Variants in KIAA1217 observed in about 807,000 individuals in gnomAD.
The protein encoded by KIAA1217 is KIAA1217, also known as sickle tail protein homolog.
In KIAA1217, 88 loss-of-function variants were observed where a neutral mutation model predicts 163.9. That is an observed-to-expected ratio of 0.54 (90% CI 0.45 to 0.64). The LOEUF (loss-of-function observed/expected upper bound fraction) is 0.64, where lower values mean the gene tolerates loss of function less well. Among genes scored for constraint, KIAA1217 ranks in the 30% least tolerant of loss-of-function variants. The pLI, the probability that KIAA1217 is intolerant of heterozygous loss-of-function variation, is 0.00. For synonymous variants in KIAA1217, 903 were observed against 923.1 expected (o/e 0.98, Z 0.39); for missense variants, 2,372 against 2,475.0 (o/e 0.96, Z 0.88).
At chr10:24,354,086 A>T (rs739573) in intron 2 of KIAA1217, among the ~76,000 whole-genome samples, 70,136 of 152,040 alleles carry the variant, frequency 0.46, 16,271 homozygotes, top group East Asian at 0.55. Flanking sequence ...TTTATTATAA[A>T]GAAGATTGAA....
chr10:23,904,973 C>T (rs1842092333), intron 1 of KIAA1217, among the ~76,000 whole-genome samples: 1 of 151,126 alleles, frequency 6.6e-6, no homozygotes, highest in African/African-American at 2.4e-5. Flanking sequence ...TTTTTTTCTA[C>T]CCACCATCAT....
intron 2 of KIAA1217, among the ~76,000 whole-genome samples, chr10:24,309,151 A>AGGGGGGGG (rs1253126512): frequency 1.4e-5 from 1 of 72,180 alleles, no homozygotes; most frequent in African/African-American, 6.4e-5. Context: ...GAAGGAAGGA[A>AGGGGGGGG]GGGAGGGAGG....
At chr10:24,091,555 TCATGAG>T (rs997087914) in intron 2 of KIAA1217, among the ~76,000 whole-genome samples, 2 of 151,832 alleles carry the variant, frequency 1.3e-5, no homozygotes, top group Admixed American at 1.3e-4. Flanking sequence ...AAGGGAACTT[TCATGAG>T]CATGCTGCTT....
chr10:23,696,990 A>G (rs1332254922), intron 1 of KIAA1217, among the ~76,000 whole-genome samples: 2 of 152,250 alleles, frequency 1.3e-5, no homozygotes, highest in African/African-American at 4.8e-5. Context: ...GGCAAGAGGG[A>G]AGAGAAAATA....
chr10:24,290,683 G>A (rs143325724), intron 2 of KIAA1217, among the ~76,000 whole-genome samples: 6,012 of 148,058 alleles, frequency 0.041, 151 homozygotes, highest in Non-Finnish European at 0.054. Context: ...GGCTCACTGC[G>A]ACCTCCACCC....
intron 1 of KIAA1217, among the ~76,000 whole-genome samples, chr10:23,911,105 T>C (rs1034713583): frequency 6.6e-6 from 1 of 152,198 alleles, no homozygotes; most frequent in African/African-American, 2.4e-5. Flanking sequence ...TATTCTAGGA[T>C]GCAGGTATCA....
At chr10:24,314,921 G>T (rs981661969) in intron 2 of KIAA1217, among the ~76,000 whole-genome samples, 3 of 152,036 alleles carry the variant, frequency 2.0e-5, no homozygotes, top group Non-Finnish European at 2.9e-5. Context: ...TCCAGCCTGG[G>T]CGACAGAGCG....
At chr10:24,317,418 TTAA>T (rs1450617891) in intron 2 of KIAA1217, among the ~76,000 whole-genome samples, 1 of 152,110 alleles carries the variant, frequency 6.6e-6, no homozygotes, top group Non-Finnish European at 1.5e-5. Context: ...CACACCCAGC[TTAA>T]TTTTATTTTT....
intron 2 of KIAA1217, among the ~76,000 whole-genome samples, chr10:24,183,100 C>G (rs911392485): frequency 6.6e-6 from 1 of 152,136 alleles, no homozygotes; most frequent in African/African-American, 2.4e-5. Flanking sequence ...AGCTGGGACA[C>G]CCCCCAGGTT....
At chr10:24,456,863 C>T (rs888022037) in intron 5 of KIAA1217, among the ~76,000 whole-genome samples, 3 of 151,912 alleles carry the variant, frequency 2.0e-5, no homozygotes, top group South Asian at 4.2e-4. Context: ...CCACCAAACC[C>T]GGCTAATTTT....
chr10:24,501,977 C>T (rs2067685316), intron 9 of KIAA1217, among the ~76,000 whole-genome samples: 1 of 151,946 alleles, frequency 6.6e-6, no homozygotes, highest in Non-Finnish European at 1.5e-5. Context: ...TCTCGATCTC[C>T]TGACCTCGTG....
At chr10:23,887,420 C>A (rs1208385339) in intron 1 of KIAA1217, among the ~76,000 whole-genome samples, 2 of 151,806 alleles carry the variant, frequency 1.3e-5, no homozygotes, top group South Asian at 2.1e-4. Flanking sequence ...AAAAGAAACA[C>A]AGCTATAGGC....
At chr10:24,417,563 G>T (rs2058360788) in intron 3 of KIAA1217, among the ~76,000 whole-genome samples, 1 of 152,202 alleles carries the variant, frequency 6.6e-6, no homozygotes, top group African/African-American at 2.4e-5. Context: ...TTCCACGAGA[G>T]CATAGACTGA....
chr10:23,784,722 T>C (rs898621781), intron 1 of KIAA1217, among the ~76,000 whole-genome samples: 23 of 152,194 alleles, frequency 1.5e-4, no homozygotes, highest in African/African-American at 4.8e-4. Flanking sequence ...TGATAACATA[T>C]AAAAACTCTA....
chr10:24,306,342 T>C (rs982373400), intron 2 of KIAA1217, among the ~76,000 whole-genome samples: 4 of 152,336 alleles, frequency 2.6e-5, no homozygotes, highest in Admixed American at 1.3e-4. Context: ...CCTAATATTA[T>C]GCAACACTTG....
At chr10:23,814,110 G>T (rs1365848088) in intron 1 of KIAA1217, among the ~76,000 whole-genome samples, 2 of 152,074 alleles carry the variant, frequency 1.3e-5, no homozygotes, top group Non-Finnish European at 2.9e-5. Context: ...TTTAAAAGGA[G>T]CCCCCAAAAA....
chr10:24,082,188 A>G (rs1297959211), intron 2 of KIAA1217, among the ~76,000 whole-genome samples: 1 of 152,108 alleles, frequency 6.6e-6, no homozygotes, highest in Admixed American at 6.5e-5. Flanking sequence ...CCTCTTCCCC[A>G]GGATGCCAGC....
intron 2 of KIAA1217, among the ~76,000 whole-genome samples, chr10:24,321,642 T>C (rs1478826641): frequency 2.6e-5 from 4 of 152,200 alleles, no homozygotes; most frequent in Non-Finnish European, 5.9e-5. Context: ...GAGGACATTA[T>C]GCTCAGTGAA....
intron 3 of KIAA1217, among the ~76,000 whole-genome samples, chr10:24,425,325 C>T (rs1182584251): frequency 2.0e-5 from 3 of 152,136 alleles, no homozygotes; most frequent in African/African-American, 4.8e-5. Flanking sequence ...TTGAACCTAA[C>T]GAAACCAAGT....
Sources: allele counts gnomAD v4.1 joint callset (sites outside exome capture counted in the v4.1 genomes callset), GRCh38; gene constraint gnomAD v4.1.1; transcripts MANE v1.5; gene names NCBI Gene and HGNC (gene_info 2026-07-23, HGNC 2026-07-21).